Variants in DAP observed in about 807,000 individuals in gnomAD.
The protein encoded by DAP is death-associated protein 1.
A neutral mutation model predicts 13.8 loss-of-function variants in DAP; 8 were observed. That is an observed-to-expected ratio of 0.58 (90% CI 0.34 to 1.05). The LOEUF (loss-of-function observed/expected upper bound fraction) is 1.05. DAP is among the 50% of genes least tolerant of loss of function. DAP has a pLI of 0.03. For missense variants in DAP, 106 were observed against 133.2 expected, an observed-to-expected ratio of 0.80 and a Z score of 1.01; for synonymous variants, 47 against 47.5, an observed-to-expected ratio of 0.99 and a Z score of 0.04.
chr5:10,679,903 C>T lies in DAP; in HGVS notation c.*1153G>A. 1 of 152,392 alleles carries T rather than the reference C, an allele frequency of 6.6e-6. No individual in the cohort carries two copies. The highest frequency in any genetic ancestry group is 1.9e-4 in the East Asian group (1 of 5,330). 9.4% of individuals were successfully genotyped at this position (152,392 alleles called of 1,614,324 possible). A position where few individuals can be genotyped will look rare whatever the true frequency, so the allele number is the denominator to read the frequency against. On this transcript the variant is annotated 3_prime_UTR_variant, in exon 4 of 4. Transcript: ENST00000230895. The stretch of plus-strand genomic sequence containing the variant: ...GCAGGACAGTCAGGCCCTCCACAAG[C>T]ACTGTTCTGGAGTTTCGTCTGACTA...
At chr5:10,704,352 A>C (rs1439462855) in intron 2 of DAP, among the ~76,000 whole-genome samples, 1 of 152,182 alleles carries the variant, frequency 6.6e-6, no homozygotes, top group Non-Finnish European at 1.5e-5. Context: ...CATGAGTTTC[A>C]GTGTGAAAAC....
chr5:10,757,598 T>G lies in DAP; in HGVS notation c.55+3416A>C, dbSNP rs1740221487. On this transcript the variant is annotated intron_variant, in intron 1 of 3. Transcript: ENST00000230895. ...TCTGGGTCAGGTTTTTAAACGGCAC[T>G]GTCCTCGGTATCTCAATGTTAAGAT... Among the ~76,000 whole-genome samples the G allele has an allele frequency of 1.3e-5, 2 of 152,174 alleles. 1 individual carries two copies. The highest frequency in any genetic ancestry group is 4.1e-4 in the South Asian group (2 of 4,834).
intron 2 of DAP, among the ~76,000 whole-genome samples, chr5:10,685,744 C>T (rs781317891): frequency 2.0e-5 from 3 of 152,178 alleles, no homozygotes; most frequent in South Asian, 4.2e-4. Flanking sequence ...CTCTGAAAGG[C>T]GGAAATGCAG....
chr5:10,679,931 T>G lies in DAP; in HGVS notation c.*1125A>C, dbSNP rs1737938597. ...TGTTCTGGAGTTTCGTCTGACTAGGTGAACCCTCTGGCTTTTCGAGGACGC... is the reference window on the plus strand; with the variant it reads ...TGTTCTGGAGTTTCGTCTGACTAGGGGAACCCTCTGGCTTTTCGAGGACGC... On this transcript the variant is annotated 3_prime_UTR_variant, in exon 4 of 4. Transcript: ENST00000230895. 6.6e-6 allele frequency: 1 copy of G among 152,492 alleles called. No homozygotes were observed. Among genetic ancestry groups the G allele is most frequent in the South Asian group, 2.1e-4 (1 of 4,826 alleles). The allele number at this position is 152,492 out of a possible 1,614,324, so 9.4% of individuals were successfully genotyped here. A position where few individuals can be genotyped will look rare whatever the true frequency, so the allele number is the denominator to read the frequency against.
chr5:10,681,024 G>C lies in DAP; in HGVS notation c.*32C>G, dbSNP rs374505765. On this transcript the variant is annotated 3_prime_UTR_variant, in exon 4 of 4. Transcript: ENST00000230895. ...GGGAAATACCAAGTGCAGCAGAGCC[G>C]GGGCCATGGGGCAGGCTGGTGGACT... The C allele has an allele frequency of 2.6e-6, 4 of 1,567,380 alleles. 1 individual carries two copies. In the South Asian group the frequency reaches 4.7e-5, roughly 18 times the overall value.
intron 2 of DAP, among the ~76,000 whole-genome samples, chr5:10,701,773 G>T (rs1443870849): frequency 6.6e-6 from 1 of 152,112 alleles, no homozygotes; most frequent in Non-Finnish European, 1.5e-5. Context: ...ATTGGTCCTG[G>T]TGTTATTACT....
Position 10,736,444 on chromosome 5 carries a change from C to T in DAP, c.152+11731G>A, listed in dbSNP as rs144396457. Among the ~76,000 whole-genome samples the T allele has an allele frequency of 2.0e-3, 305 of 152,262 alleles. 3 individuals are homozygous for T. Among genetic ancestry groups the T allele is most frequent in the African/African-American group, 6.8e-3 (284 of 41,566 alleles). ...TGCAGCCTCTGGAGAGGCTGCCAGA[C>T]GCCAACCCTCCCTGGGCAGCCTCGC... On this transcript the variant is annotated intron_variant, in intron 2 of 3. Coordinates refer to ENST00000230895, the MANE Select transcript of DAP (RefSeq NM_004394.3).
At chr5:10,719,892 C>G (rs1273468434) in intron 2 of DAP, among the ~76,000 whole-genome samples, 1 of 152,214 alleles carries the variant, frequency 6.6e-6, no homozygotes. Context: ...TATGCAGGCA[C>G]CACCCAAAAG....
At position 10,683,578 on chromosome 5, in the gene DAP, A is replaced by G; in HGVS notation, c.153-7T>C. ...CACAGTGGGTTTAGGTGGACTGGAA[A>G]AAAAGAAGGGAAAAGGCAGATTTAA... On this transcript the variant is annotated splice_region_variant and splice_polypyrimidine_tract_variant and intron_variant, in intron 2 of 3. Transcript: ENST00000230895. 1 of 1,614,000 alleles carries G rather than the reference A, an allele frequency of 6.2e-7. No individual in the cohort carries two copies. The highest frequency in any genetic ancestry group is 8.5e-7 in the Non-Finnish European group (1 of 1,179,912).
intron 2 of DAP, among the ~76,000 whole-genome samples, chr5:10,712,508 G>A (rs1419962570): frequency 1.3e-5 from 2 of 152,176 alleles, no homozygotes; most frequent in Non-Finnish European, 2.9e-5. Context: ...GGCAGGAGAG[G>A]TGCAGAGGAG....
chr5:10,685,874 C>G (rs1370568550), intron 2 of DAP, among the ~76,000 whole-genome samples: 1 of 152,164 alleles, frequency 6.6e-6, no homozygotes, highest in East Asian at 1.9e-4. Context: ...TAAAAGGTGG[C>G]TGAGGAAGCT....
intron 2 of DAP, among the ~76,000 whole-genome samples, chr5:10,696,389 C>T (rs559679106): frequency 2.6e-5 from 4 of 152,236 alleles, no homozygotes; most frequent in Non-Finnish European, 4.4e-5. Context: ...ATTCTGCTGC[C>T]ATCTCCACAG....
intron 2 of DAP, among the ~76,000 whole-genome samples, chr5:10,684,150 A>G (rs1208442812): frequency 2.0e-5 from 3 of 152,208 alleles, no homozygotes; most frequent in Non-Finnish European, 2.9e-5. Context: ...TTAAATCAAC[A>G]CATTTTAACT....
Position 10,680,666 on chromosome 5 carries a change from T to C in DAP, c.*390A>G, listed in dbSNP as rs1012969492. ...TTTTATTGGCCCATACTAAAAAGCA[T>C]GCAATGACTGAGGTTTTCTCCTAAC... On this transcript the variant is annotated 3_prime_UTR_variant, in exon 4 of 4. Transcript: ENST00000230895. The C allele has an allele frequency of 1.4e-6, 2 of 1,387,780 alleles. No homozygotes were observed. The highest frequency in any genetic ancestry group is 2.0e-6 in the Non-Finnish European group (2 of 1,023,490). 86.0% of individuals were successfully genotyped at this position (1,387,780 alleles called of 1,614,324 possible).
intron 2 of DAP, among the ~76,000 whole-genome samples, chr5:10,736,468 G>A (rs267963): frequency 0.49 from 74,706 of 152,028 alleles, 20,016 homozygotes; most frequent in Non-Finnish European, 0.61. Flanking sequence ...GGGCAGCCTC[G>A]CTTGCACAGA....
intron 2 of DAP, among the ~76,000 whole-genome samples, chr5:10,700,154 C>T (rs1012075984): frequency 6.6e-6 from 1 of 152,186 alleles, no homozygotes; most frequent in Non-Finnish European, 1.5e-5. Context: ...TCCACTAAGA[C>T]GTCAGAGGGG....
intron 2 of DAP, among the ~76,000 whole-genome samples, chr5:10,687,901 TTGTC>T (rs1223085588): frequency 6.9e-6 from 1 of 144,890 alleles, no homozygotes; most frequent in Admixed American, 7.0e-5. Context: ...AACTTCATTG[TTGTC>T]TTTTTTTTTT....
At position 10,707,948 on chromosome 5, in the gene DAP, A is replaced by C. The variant is rs1322602215; in HGVS notation, c.153-24377T>G. 2.6e-5 allele frequency among the ~76,000 whole-genome samples: 4 copies of C among 152,184 alleles called. No homozygotes were observed. The highest frequency in any genetic ancestry group is 2.6e-4 in the Admixed American group (4 of 15,278). ...GGCTCTAATTCTTATTTAGGCTTGA[A>C]ATTCTTAAGAGTTGGATGCTACACT... On this transcript the variant is annotated intron_variant, in intron 2 of 3. Coordinates refer to ENST00000230895, the MANE Select transcript of DAP (RefSeq NM_004394.3). This position sits in a 1 kb window ranked among gnomAD's most constrained non-coding sequence, Gnocchi z 4.0.
At chr5:10,734,765 T>G (rs1739562271) in intron 2 of DAP, among the ~76,000 whole-genome samples, 1 of 152,262 alleles carries the variant, frequency 6.6e-6, no homozygotes, top group African/African-American at 2.4e-5. Context: ...CCATGATGAA[T>G]TAATCCATGA....
Sources: gnomAD v4.1 joint callset for allele counts (sites outside exome capture counted in the v4.1 genomes callset) on GRCh38, gnomAD v4.1.1 for gene constraint, Gnocchi (gnomAD v3.1) non-coding constraint, MANE v1.5 for transcripts, NCBI Gene and HGNC (gene_info 2026-07-23, HGNC 2026-07-21) for gene names.